The following VAV2 variants were observed in gnomAD, a reference collection of about 807,000 sequenced individuals.
The protein encoded by VAV2 is vav guanine nucleotide exchange factor 2, also known as guanine nucleotide exchange factor VAV2.
Under a neutral mutation model 132.5 loss-of-function variants are expected in VAV2, and 67 were observed. That is an observed-to-expected ratio of 0.51 (90% CI 0.42 to 0.62). VAV2 has a LOEUF of 0.62. VAV2 is among the 20% of genes least tolerant of loss of function. The probability of loss-of-function intolerance (pLI) is 0.00; values close to 1 mark genes in which losing one functional copy is unlikely to be tolerated. For missense variants in VAV2, 938 were observed against 1,153.6 expected, an observed-to-expected ratio of 0.81 and a Z score of 2.71; for synonymous variants, 492 against 443.5, an observed-to-expected ratio of 1.11 and a Z score of -1.37.
Position 133,824,375 on chromosome 9 carries a change from G to A in VAV2, c.449+9897C>T, listed in dbSNP as rs928437666. On this transcript the variant is annotated intron_variant, in intron 4 of 29. Coordinates refer to ENST00000371850, the MANE Select transcript of VAV2 (RefSeq NM_001134398.2). The surrounding 1 kb of genome is among the most constrained non-coding windows in gnomAD (Gnocchi z 5.2). ...CGAGAACAGACACAGCAGAGACCAG[G>A]ACCCTCCTAAAACCCCAGCCCAAAA... Among the ~76,000 whole-genome samples, 4 of 151,902 alleles carry A rather than the reference G, an allele frequency of 2.6e-5. No homozygotes were observed. The highest frequency in any genetic ancestry group is 2.0e-4 in the Admixed American group (3 of 15,256).
chr9:133,873,961 C>T (rs1409264573), intron 2 of VAV2, among the ~76,000 whole-genome samples: 1 of 152,204 alleles, frequency 6.6e-6, no homozygotes, highest in Non-Finnish European at 1.5e-5. Flanking sequence ...GTCTAGGCCT[C>T]CTGCCTGCCA....
rs891749646 is a variant in VAV2 at position 133,928,583 on chromosome 9, CAG to C, written c.321+10518_321+10519del. ...CTGGCAGAAAGGCCTCGGGTGAGCACAGAGTCTTCTGCACTCAGCAAATTAAT... is the reference window on the plus strand; with the variant it reads ...CTGGCAGAAAGGCCTCGGGTGAGCACAGTCTTCTGCACTCAGCAAATTAAT... On this transcript the variant is annotated intron_variant, in intron 2 of 29. Coordinates refer to ENST00000371850, the MANE Select transcript of VAV2 (RefSeq NM_001134398.2). The surrounding 1 kb of genome is among the most constrained non-coding windows in gnomAD (Gnocchi z 5.4). Among the ~76,000 whole-genome samples the C allele has an allele frequency of 5.2e-4, 79 of 152,182 alleles. No individual in the cohort carries two copies. Among genetic ancestry groups the C allele is most frequent in the African/African-American group, 1.7e-3 (71 of 41,434 alleles).
In VAV2 at chr9:133,787,295, G is replaced by C. The variant is rs749866683; in HGVS notation, c.1408-35C>G. ...ATGGAGAGGAGAGGAAGGGGAAGAC[G>C]GTCAGTGAGAGGCTAAGCCCGGCCC... is the stretch of plus-strand genomic sequence containing the variant. On this transcript the variant is annotated intron_variant, in intron 15 of 29. Coordinates refer to ENST00000371850, the MANE Select transcript of VAV2 (RefSeq NM_001134398.2). 6 of 1,563,764 alleles carry C rather than the reference G, an allele frequency of 3.8e-6. No individual in the cohort carries two copies. In the Admixed American group the frequency reaches 9.0e-5, roughly 24 times the overall value.
intron 1 of VAV2, among the ~76,000 whole-genome samples, chr9:133,975,636 A>C (rs1184825628): frequency 6.6e-6 from 1 of 152,184 alleles, no homozygotes; most frequent in Non-Finnish European, 1.5e-5. Context: ...CTCCCTCCAA[A>C]GTCTCTGAGC....
intron 9 of VAV2, among the ~76,000 whole-genome samples, chr9:133,801,965 G>A (rs1479621019): frequency 6.6e-6 from 1 of 152,112 alleles, no homozygotes; most frequent in African/African-American, 2.4e-5. Context: ...CATCTCTGTT[G>A]TTTCAAGCCA....
In VAV2 at chr9:133,763,975, T is replaced by C. The variant is rs1833349648; in HGVS notation, c.*87A>G. 1 of 1,522,778 alleles carries C rather than the reference T, an allele frequency of 6.6e-7. No individual in the cohort carries two copies. The highest frequency in any genetic ancestry group is 9.1e-7 in the Non-Finnish European group (1 of 1,098,748). 94.3% of individuals were successfully genotyped at this position (1,522,778 alleles called of 1,614,324 possible). A position where few individuals can be genotyped will look rare whatever the true frequency, so the allele number is the denominator to read the frequency against. Reference sequence around the variant, plus strand: ...AAGACTGGGAGGTTGGTATTTCCCCTCTGAGTCACAGAGGAGCTAGAGACA... The same window carrying C: ...AAGACTGGGAGGTTGGTATTTCCCCCCTGAGTCACAGAGGAGCTAGAGACA... On this transcript the variant is annotated 3_prime_UTR_variant, in exon 30 of 30. Transcript: ENST00000371850. This position sits in a 1 kb window ranked among gnomAD's most constrained non-coding sequence, Gnocchi z 6.8.
At chr9:133,816,112 C>T (rs62576518) in intron 4 of VAV2, among the ~76,000 whole-genome samples, 26,949 of 152,130 alleles carry the variant, frequency 0.18, 2,591 homozygotes, top group African/African-American at 0.24. Flanking sequence ...GGGTCTCCTG[C>T]GTCCTTACTG....
chr9:133,863,572 G>GC lies in VAV2; in HGVS notation c.322-2141dup, dbSNP rs1214044360. The stretch of plus-strand genomic sequence containing the variant: ...AGCTGCTATGACCACAGCAGCCTCA[G>GC]CCCCAAGCTTGGGGCGCTTTGCCCC... On this transcript the variant is annotated intron_variant, in intron 2 of 29. Coordinates refer to ENST00000371850, the MANE Select transcript of VAV2 (RefSeq NM_001134398.2). This position sits in a 1 kb window ranked among gnomAD's most constrained non-coding sequence, Gnocchi z 5.0. Among the ~76,000 whole-genome samples the GC allele has an allele frequency of 2.6e-5, 4 of 152,180 alleles. No homozygotes were observed. The highest frequency in any genetic ancestry group is 9.7e-5 in the African/African-American group (4 of 41,442).
At chr9:133,925,861 C>A (rs1289996230) in intron 2 of VAV2, 2 of 151,552 alleles carry the variant, frequency 1.3e-5, no homozygotes, top group Non-Finnish European at 2.9e-5. Flanking sequence ...ATTTTTTTTT[C>A]TTTTCTCCTT....
At chr9:133,846,816 C>T (rs751293022) in intron 3 of VAV2, among the ~76,000 whole-genome samples, 20 of 152,364 alleles carry the variant, frequency 1.3e-4, no homozygotes, top group African/African-American at 4.1e-4. Flanking sequence ...GACTGGCCGA[C>T]GGGCGGCAGG....
At chr9:133,854,639 G>A (rs1034109625) in intron 3 of VAV2, among the ~76,000 whole-genome samples, 1 of 152,178 alleles carries the variant, frequency 6.6e-6, no homozygotes, top group Non-Finnish European at 1.5e-5. Context: ...ACCAGAAGCA[G>A]GCTGGAGGGG....
intron 2 of VAV2, among the ~76,000 whole-genome samples, chr9:133,923,522 G>C (rs907086238): frequency 2.6e-5 from 4 of 152,168 alleles, no homozygotes; most frequent in African/African-American, 9.7e-5. Flanking sequence ...TGGAGAAATA[G>C]GAACGCTTTT....
Position 133,770,251 on chromosome 9 carries a change from G to A in VAV2, c.2347+127C>T, listed in dbSNP as rs376212687. ...CATCTGCGATGGCTGGGGGAGGGGC[G>A]GGGGCTGTGTTCCCCAGGGTGGGAC... On this transcript the variant is annotated intron_variant, in intron 27 of 29. Coordinates refer to ENST00000371850, the MANE Select transcript of VAV2 (RefSeq NM_001134398.2). 248 of 1,432,002 alleles carry A rather than the reference G, an allele frequency of 1.7e-4. 1 individual carries two copies. The African/African-American group carries it at 3.1e-3, about 18-fold the overall frequency. 88.7% of individuals were successfully genotyped at this position (1,432,002 alleles called of 1,614,324 possible).
At chr9:133,901,846 G>A (rs1482825154) in intron 2 of VAV2, among the ~76,000 whole-genome samples, 1 of 152,356 alleles carries the variant, frequency 6.6e-6, no homozygotes, top group Admixed American at 6.5e-5. Context: ...ACGGGCCGAT[G>A]GGGTCAGTGG....
At chr9:133,943,217 C>T (rs1453921940) in intron 1 of VAV2, among the ~76,000 whole-genome samples, 1 of 152,198 alleles carries the variant, frequency 6.6e-6, no homozygotes, top group Non-Finnish European at 1.5e-5. Flanking sequence ...TCTGTGGTCG[C>T]TCTGGAGCCA....
chr9:133,848,020 GT>G (rs1324139609), intron 3 of VAV2, among the ~76,000 whole-genome samples: 2 of 152,194 alleles, frequency 1.3e-5, no homozygotes, highest in Non-Finnish European at 2.9e-5. Context: ...GCTCACGCCT[GT>G]AATCCCAGCA....
chr9:133,817,271 A>G (rs2131720090), intron 4 of VAV2, among the ~76,000 whole-genome samples: 1 of 152,348 alleles, frequency 6.6e-6, no homozygotes, highest in Non-Finnish European at 1.5e-5. Flanking sequence ...GACTGCAATA[A>G]TACCCGTGTT....
chr9:133,958,316 T>TGTAC (rs1354082268), intron 1 of VAV2, among the ~76,000 whole-genome samples: 1 of 144,638 alleles, frequency 6.9e-6, no homozygotes, highest in African/African-American at 2.5e-5. Flanking sequence ...AAAACCGGAT[T>TGTAC]GTACGTTCCA....
At chr9:133,887,408 C>T (rs1838755143) in intron 2 of VAV2, among the ~76,000 whole-genome samples, 1 of 152,140 alleles carries the variant, frequency 6.6e-6, no homozygotes, top group Non-Finnish European at 1.5e-5. Context: ...CATCTGGCCC[C>T]AGGGAATTCA....
Sources: gnomAD v4.1 joint callset for allele counts (sites outside exome capture counted in the v4.1 genomes callset) on GRCh38, gnomAD v4.1.1 for gene constraint, Gnocchi (gnomAD v3.1) non-coding constraint, MANE v1.5 for transcripts, NCBI Gene and HGNC (gene_info 2026-07-23, HGNC 2026-07-21) for gene names.